The following SMIM17 variants were observed in gnomAD, a reference collection of about 807,000 sequenced individuals.
SMIM17 encodes small integral membrane protein 17.
Under a neutral mutation model 12.2 loss-of-function variants are expected in SMIM17, and 10 were observed. The ratio of observed to expected loss-of-function variants is 0.82; its 90% CI spans 0.50 to 1.39. SMIM17 has a LOEUF of 1.39. Ranked by LOEUF, SMIM17 falls within the 40% of genes most tolerant of loss-of-function variation. The pLI is 0.00. For synonymous variants in SMIM17, 50 were observed against 44.1 expected (o/e 1.13, Z -0.53); for missense variants, 136 against 118.2 (o/e 1.15, Z -0.70).
chr19:56,646,537 C>T (rs2045064592), intron 2 of SMIM17, among the ~76,000 whole-genome samples: 2 of 152,232 alleles, frequency 1.3e-5, no homozygotes, highest in South Asian at 4.1e-4. Flanking sequence ...CGGACCCTCC[C>T]CCCACAGAAA....
At chr19:56,647,695 G>C in intron 3 of SMIM17, 61 bp downstream of exon 3, 1 of 1,389,044 alleles carries the variant, frequency 7.2e-7, no homozygotes, top group Non-Finnish European at 9.8e-7. Flanking sequence ...TCAGCACTTT[G>C]TCACATTTGC....
At chr19:56,648,584 T>G (rs1435793440) in intron 3 of SMIM17, among the ~76,000 whole-genome samples, 1 of 152,136 alleles carries the variant, frequency 6.6e-6, no homozygotes, top group South Asian at 2.1e-4. Flanking sequence ...GGTGAGGATA[T>G]GGCTAGTATG....
intron 3 of SMIM17, among the ~76,000 whole-genome samples, chr19:56,653,516 A>G (rs933128779): frequency 2.0e-5 from 3 of 152,218 alleles, no homozygotes; most frequent in African/African-American, 7.2e-5. Context: ...TCACTGTTAC[A>G]GAAGACAATG....
In SMIM17 at chr19:56,656,917, G is replaced by A. The variant is rs1568520233; in HGVS notation, c.*1704G>A. Among the ~76,000 whole-genome samples the A allele has an allele frequency of 6.6e-6, 1 of 152,152 alleles. No homozygotes were observed. Among genetic ancestry groups the A allele is most frequent in the African/African-American group, 2.4e-5 (1 of 41,436 alleles). On this transcript the variant is annotated 3_prime_UTR_variant, in exon 4 of 4. Transcript: ENST00000598409. Reference sequence around the variant, plus strand: ...TAATTGTTTCACGAACATTTAAGATGAAGATATCTTCTCTGTCTGTAGAAC... The same window carrying A: ...TAATTGTTTCACGAACATTTAAGATAAAGATATCTTCTCTGTCTGTAGAAC...
rs1002951530 is a variant in SMIM17, at chr19:56,656,417, T to C, written c.*1204T>C. Reference sequence around the variant, plus strand: ...CGTTATTAGATTTGTCAAAGGTTTATCTAGCTTACTATTGTTTTTCCAAAG... The same window carrying C: ...CGTTATTAGATTTGTCAAAGGTTTACCTAGCTTACTATTGTTTTTCCAAAG... On this transcript the variant is annotated 3_prime_UTR_variant, in exon 4 of 4. Transcript: ENST00000598409. Among the ~76,000 whole-genome samples the C allele has an allele frequency of 6.6e-6, 1 of 152,232 alleles. No homozygotes were observed. The highest frequency in any genetic ancestry group is 2.4e-5 in the African/African-American group (1 of 41,468).
Position 56,643,196 on chromosome 19 carries a change from G to A in SMIM17, c.-115G>A, listed in dbSNP as rs1247725369. On this transcript the variant is annotated 5_prime_UTR_variant, in exon 1 of 4. Coordinates refer to ENST00000598409, the MANE Select transcript of SMIM17 (RefSeq NM_001193628.2). The stretch of plus-strand genomic sequence containing the variant: ...GCCAGCTCTGCAGAGCCCAGACAGG[G>A]TCCGGTTGGGGAGGGTGAGTCCTTC... 6.6e-6 allele frequency: 1 copy of A among 152,566 alleles called. No homozygotes were observed. Among genetic ancestry groups the A allele is most frequent in the African/African-American group, 2.4e-5 (1 of 41,484 alleles). 9.5% of individuals were successfully genotyped at this position (152,566 alleles called of 1,614,324 possible). A position where few individuals can be genotyped will look rare whatever the true frequency, so the allele number is the denominator to read the frequency against.
intron 3 of SMIM17, among the ~76,000 whole-genome samples, chr19:56,649,879 G>A (rs1404083225): frequency 1.3e-5 from 2 of 152,136 alleles, no homozygotes; most frequent in African/African-American, 4.8e-5. Context: ...GGACAGAGGA[G>A]GGACATGTTC....
chr19:56,643,627 C>A (rs1227040011), intron 1 of SMIM17, among the ~76,000 whole-genome samples: 1 of 152,174 alleles, frequency 6.6e-6, no homozygotes, highest in Non-Finnish European at 1.5e-5. Context: ...TGCACCTGTG[C>A]GTGTTCGCGT....
intron 3 of SMIM17, among the ~76,000 whole-genome samples, chr19:56,654,584 G>C (rs2045134482): frequency 6.6e-6 from 1 of 152,186 alleles, no homozygotes; most frequent in South Asian, 2.1e-4. Flanking sequence ...GGTGGTGTCA[G>C]AAAGAGAGTC....
At chr19:56,649,304 C>T (rs10403208) in intron 3 of SMIM17, among the ~76,000 whole-genome samples, 102,347 of 152,058 alleles carry the variant, frequency 0.67, 34,664 homozygotes, top group East Asian at 0.88. Flanking sequence ...ACATCATTCA[C>T]TCATTGCACG....
intron 3 of SMIM17, among the ~76,000 whole-genome samples, chr19:56,651,798 C>T (rs2045111048): frequency 6.6e-6 from 1 of 152,016 alleles, no homozygotes; most frequent in South Asian, 2.1e-4. Flanking sequence ...TTCTACATTC[C>T]ACTTCAACAG....
At chr19:56,650,191 G>A (rs921546613) in intron 3 of SMIM17, among the ~76,000 whole-genome samples, 1 of 151,864 alleles carries the variant, frequency 6.6e-6, no homozygotes, top group African/African-American at 2.4e-5. Context: ...TTTTTGAGAC[G>A]GAATCTCGCT....
intron 2 of SMIM17, among the ~76,000 whole-genome samples, chr19:56,646,086 G>A (rs2045061244): frequency 6.6e-6 from 1 of 152,176 alleles, no homozygotes; most frequent in African/African-American, 2.4e-5. Flanking sequence ...TTTCCTGCCT[G>A]TGCTTGTCTG....
At position 56,645,720 on chromosome 19, in the gene SMIM17, C is replaced by T. The variant is rs932670132; in HGVS notation, c.53C>T (p.Thr18Ile). Residue 18 changes from threonine (T) to isoleucine (I), a missense_variant, in exon 2 of 4, where the codon ACC (threonine) becomes ATC (isoleucine). Physicochemically the swap from Thr to Ile is moderately conservative, Grantham distance 89 (BLOSUM62 -1). Transcript: ENST00000598409. ...CGGGGGCTGCTGGAGCCTGAGAGGA[C>T]CAAGACTCTGCTGCCTCGGGAGAGC... is the stretch of plus-strand genomic sequence containing the variant. ...QTRGLLEPER[T>I]KTLLPRESRA... 59 of 1,535,620 alleles carry T rather than the reference C, an allele frequency of 3.8e-5. No homozygotes were observed. Among genetic ancestry groups the T allele is most frequent in the Non-Finnish European group, 4.9e-5 (56 of 1,146,852 alleles).
At position 56,655,150 on chromosome 19, in the gene SMIM17, G is replaced by T. The variant is rs1194098619; in HGVS notation, c.294G>T (p.Leu98Phe). 2.8e-6 allele frequency: 2 copies of T among 702,664 alleles called. No individual in the cohort carries two copies. The highest frequency in any genetic ancestry group is 5.2e-6 in the Non-Finnish European group (2 of 384,828). 43.5% of individuals were successfully genotyped at this position (702,664 alleles called of 1,614,324 possible). A position where few individuals can be genotyped will look rare whatever the true frequency, so the allele number is the denominator to read the frequency against. The change falls in exon 4 of 4, where the codon TTG (leucine) becomes TTT (phenylalanine). Residue 98 changes from leucine to phenylalanine, a missense_variant. By Grantham distance (22) the Leu-to-Phe change is conservative. Coordinates refer to ENST00000598409, the MANE Select transcript of SMIM17 (RefSeq NM_001193628.2). ...CTCCACAACAAACAACCATAGTCTTGGTAGTGTGCGTGCTTTTTTTGTTCC... is the reference window on the plus strand; with the variant it reads ...CTCCACAACAAACAACCATAGTCTTTGTAGTGTGCGTGCTTTTTTTGTTCC... ...SKAPQQTTIV[L>F]VVCVLFLFLV... is the part of the protein sequence containing the mutation.
At chr19:56,646,641 A>C (rs2148038646) in intron 2 of SMIM17, among the ~76,000 whole-genome samples, 1 of 152,212 alleles carries the variant, frequency 6.6e-6, no homozygotes, top group South Asian at 2.1e-4. Context: ...GGAAGTCAAG[A>C]ATGGAAGGTG....
intron 3 of SMIM17, among the ~76,000 whole-genome samples, chr19:56,651,708 T>A (rs1173879917): frequency 6.6e-6 from 1 of 152,030 alleles, no homozygotes; most frequent in Non-Finnish European, 1.5e-5. Flanking sequence ...CTGCTTCCTG[T>A]TTGGGGTGCT....
intron 3 of SMIM17, among the ~76,000 whole-genome samples, chr19:56,652,613 C>T (rs1014501587): frequency 3.3e-5 from 5 of 151,802 alleles, no homozygotes; most frequent in Non-Finnish European, 7.4e-5. Context: ...GATTGCACCA[C>T]TGCCCTCCAG....
chr19:56,651,471 A>C (rs8104824), intron 3 of SMIM17, among the ~76,000 whole-genome samples: 109,081 of 151,940 alleles, frequency 0.72, 39,920 homozygotes, highest in East Asian at 0.88. Flanking sequence ...GTCTGTGGGC[A>C]CAGAAGAAAG....
Sources: allele counts gnomAD v4.1 joint callset (sites outside exome capture counted in the v4.1 genomes callset), GRCh38; gene constraint gnomAD v4.1.1; transcripts MANE v1.5; gene names NCBI Gene and HGNC (gene_info 2026-07-23, HGNC 2026-07-21).